CBR4: variants seen among roughly 807,000 people sequenced by gnomAD.
CBR4 encodes the protein 3-oxoacyl-[acyl-carrier-protein] reductase.
CBR4 carries 22 observed loss-of-function variants against 21.0 expected under a neutral mutation model. The observed-to-expected ratio is 1.05, with a 90% CI of 0.75 to 1.50. The LOEUF is 1.50. Ranked by LOEUF, CBR4 falls within the 40% of genes most tolerant of loss-of-function variation. The pLI, the probability that CBR4 is intolerant of heterozygous loss-of-function variation, is 0.00. For synonymous variants in CBR4, 100 were observed against 104.4 expected, an observed-to-expected ratio of 0.96 and a Z score of 0.26; for missense variants, 302 against 286.3, an observed-to-expected ratio of 1.05 and a Z score of -0.40.
Position 168,990,314 on chromosome 4 carries a change from C to G in CBR4, c.550G>C (p.Asp184His), listed in dbSNP as rs115991000. The change falls in exon 5 of 5, where the codon GAT becomes CAT. Residue 184 changes from aspartate (D) to histidine (H), a missense_variant. Transcript: ENST00000306193. ...NVVAPGFVHT[D>H]MTKDLKEEHL... ...TCTTCTTTCAAGTCTTTCGTCATAT[C>G]TGTGTGTACAAATCCTAAAAGAGAA... 3.5e-4 allele frequency: 559 copies of G among 1,607,616 alleles called. 1 individual carries two copies. The highest frequency in any genetic ancestry group is 4.5e-4 in the Non-Finnish European group (527 of 1,176,448).
intron 2 of CBR4, among the ~76,000 whole-genome samples, chr4:168,945,725 T>A (rs1241544183): frequency 6.6e-6 from 1 of 152,202 alleles, no homozygotes; most frequent in Non-Finnish European, 1.5e-5. Flanking sequence ...GAAACAACCA[T>A]TTAAATGGCA....
Position 169,002,211 on chromosome 4 carries a change from A to C in CBR4, c.401-6T>G, listed in dbSNP as rs769133679. On this transcript the variant is annotated splice_polypyrimidine_tract_variant and splice_region_variant and intron_variant, in intron 3 of 4. Transcript: ENST00000306193. ...TTTTAAGCCAACAATGCTTCCTAGG[A>C]CAAAAAAAAAAAAAAAAAAAAAAAA... is the stretch of plus-strand genomic sequence containing the variant. 9 of 457,700 alleles carry C rather than the reference A, an allele frequency of 2.0e-5. No individual in the cohort carries two copies. Among genetic ancestry groups the C allele is most frequent in the Admixed American group, 1.6e-4 (1 of 6,410 alleles). The allele number at this position is 457,700 out of a possible 1,614,324, so 28.4% of individuals were successfully genotyped here.
chr4:168,985,875 A>G (rs1270981462), downstream of CBR4, among the ~76,000 whole-genome samples: 3 of 152,146 alleles, frequency 2.0e-5, no homozygotes, highest in Non-Finnish European at 4.4e-5. Flanking sequence ...ATGGACACAA[A>G]AAAGGGAACA....
At position 168,964,204 on chromosome 4, in the gene CBR4, T is replaced by C. The variant is rs558114451; in HGVS notation, n.169+37867A>G. Among the ~76,000 whole-genome samples, 4 of 152,314 alleles carry C rather than the reference T, an allele frequency of 2.6e-5. No individual in the cohort carries two copies. The South Asian group carries it at 6.2e-4, about 24-fold the overall frequency. ...TTCAACTACACTCCCCTTGCTTGTG[T>C]TGCATGATTAGACAACTGTCTGGTT... is the stretch of plus-strand genomic sequence containing the variant. On this transcript the variant is annotated intron_variant and non_coding_transcript_variant, in intron 2 of 3. Coordinates refer to the CBR4 transcript ENST00000509108.
rs940487768 is a variant in CBR4, at chr4:168,988,917, T to C, written c.*1233A>G. The C allele has an allele frequency of 4.9e-5, 48 of 983,036 alleles. No homozygotes were observed. Among genetic ancestry groups the C allele is most frequent in the Non-Finnish European group, 5.7e-5 (47 of 827,834 alleles). The allele number at this position is 983,036 out of a possible 1,614,324, so 60.9% of individuals were successfully genotyped here. A position where few individuals can be genotyped will look rare whatever the true frequency, so the allele number is the denominator to read the frequency against. The stretch of plus-strand genomic sequence containing the variant: ...TAAATCTCTGCTTACACAAAATAAC[T>C]GTCAGCTCCAAATCAACATGAATGG... On this transcript the variant is annotated 3_prime_UTR_variant, in exon 5 of 5. Transcript: ENST00000306193.
rs374187214 is a variant in CBR4 at position 168,911,144 on chromosome 4, T to G, written n.170-16379A>C. Among the ~76,000 whole-genome samples the G allele has an allele frequency of 9.2e-5, 14 of 152,340 alleles. No individual in the cohort carries two copies. In the East Asian group the frequency reaches 2.3e-3, roughly 25 times the overall value. Reference sequence around the variant, plus strand: ...TTGTGAGAGATATATGTAGCATCCCTATTTGTACAGAAAAAGAAACAAAGG... The same window carrying G: ...TTGTGAGAGATATATGTAGCATCCCGATTTGTACAGAAAAAGAAACAAAGG... On this transcript the variant is annotated intron_variant and non_coding_transcript_variant, in intron 2 of 3. Transcript: ENST00000509108.
intron 2 of CBR4, among the ~76,000 whole-genome samples, chr4:168,922,085 TTATA>T (rs149658107): frequency 0.037 from 4,923 of 134,168 alleles, 275 homozygotes; most frequent in African/African-American, 0.12. Flanking sequence ...AGTTTTATAT[TTATA>T]TATATATATA....
Position 169,004,273 on chromosome 4 carries a change from AT to A in CBR4, c.401-2069del, listed in dbSNP as rs920778514. Among the ~76,000 whole-genome samples, 679 of 152,070 alleles carry A rather than the reference AT, an allele frequency of 4.5e-3. 4 individuals carry two copies. The highest frequency in any genetic ancestry group is 0.015 in the African/African-American group (642 of 41,506). ...ATTTTTTTAGCAACAAAGTATTTACATTTTTTTTAGATATAATGCTACTGCA... is the reference window on the plus strand; with the variant it reads ...ATTTTTTTAGCAACAAAGTATTTACATTTTTTTAGATATAATGCTACTGCA... On this transcript the variant is annotated intron_variant, in intron 3 of 4. Coordinates refer to ENST00000306193, the MANE Select transcript of CBR4 (RefSeq NM_032783.5).
chr4:169,007,388 G>A (rs1345037563), intron 2 of CBR4, among the ~76,000 whole-genome samples: 1 of 152,116 alleles, frequency 6.6e-6, no homozygotes, highest in African/African-American at 2.4e-5. Flanking sequence ...CTACCTTCTG[G>A]AGCACTGGAA....
intron 2 of CBR4, among the ~76,000 whole-genome samples, chr4:168,965,398 T>C (rs1054587873): frequency 2.0e-5 from 3 of 152,162 alleles, no homozygotes; most frequent in African/African-American, 7.2e-5. Context: ...TAGAAAAAAC[T>C]ACTTTAAACT....
intron 2 of CBR4, among the ~76,000 whole-genome samples, chr4:168,905,138 GTTTTTT>G (rs777740588): frequency 8.7e-5 from 3 of 34,524 alleles, no homozygotes; most frequent in Non-Finnish European, 2.1e-4. Flanking sequence ...TGTTTTGTTG[GTTTTTT>G]TTTTTTTTTT....
At chr4:168,924,988 G>A in intron 2 of CBR4, 1 of 1,614,058 alleles carries the variant, frequency 6.2e-7, no homozygotes, top group Non-Finnish European at 8.5e-7. Context: ...GCTCATTCAG[G>A]GAGCCACAAA....
At chr4:169,004,668 T>C (rs1225624247) in intron 3 of CBR4, among the ~76,000 whole-genome samples, 1 of 152,234 alleles carries the variant, frequency 6.6e-6, no homozygotes, top group Admixed American at 6.5e-5. Flanking sequence ...ACTTACATTC[T>C]TGACATATTC....
rs1408288074 is a variant in CBR4 at position 168,928,118 on chromosome 4, A to C, written n.170-33353T>G. ...GCACCGGGTGGCAGATGTTCTATGC[A>C]GTGTGGTTCAAGTTTCTTTGACCGC... On this transcript the variant is annotated intron_variant and non_coding_transcript_variant, in intron 2 of 3. Transcript: ENST00000509108. The C allele has an allele frequency of 4.1e-5, 8 of 193,648 alleles. No homozygotes were observed. The East Asian group carries it at 6.5e-4, about 16-fold the overall frequency. The allele number at this position is 193,648 out of a possible 1,614,324, so 12.0% of individuals were successfully genotyped here.
intron 2 of CBR4, among the ~76,000 whole-genome samples, chr4:168,902,413 C>T (rs1039800880): frequency 2.0e-5 from 3 of 152,170 alleles, no homozygotes; most frequent in Admixed American, 6.5e-5. Flanking sequence ...CATGTTAGGG[C>T]TGTTGGCACT....
intron 2 of CBR4, among the ~76,000 whole-genome samples, chr4:168,932,824 T>A (rs1336178081): frequency 1.3e-5 from 2 of 152,190 alleles, no homozygotes. Context: ...GCTTTAATAT[T>A]CTTTATTAAA....
Position 168,989,417 on chromosome 4 carries a change from T to C in CBR4, c.*733A>G. 1 of 985,392 alleles carries C rather than the reference T, an allele frequency of 1.0e-6. No individual in the cohort carries two copies. Among genetic ancestry groups the C allele is most frequent in the Admixed American group, 6.1e-5 (1 of 16,280 alleles). 61.0% of individuals were successfully genotyped at this position (985,392 alleles called of 1,614,324 possible). ...CGCCACATTTAAATTTGCAGATTAT[T>C]TTGTCTAGCTGCTCAATCAAGAGAA... On this transcript the variant is annotated 3_prime_UTR_variant, in exon 5 of 5. Coordinates refer to ENST00000306193, the MANE Select transcript of CBR4 (RefSeq NM_032783.5).
intron 4 of CBR4, among the ~76,000 whole-genome samples, chr4:168,990,671 C>T (rs1764874874): frequency 6.6e-6 from 1 of 151,952 alleles, no homozygotes; most frequent in Non-Finnish European, 1.5e-5. Flanking sequence ...ATCGGCCCAC[C>T]TCAGCCTCCC....
downstream of CBR4, among the ~76,000 whole-genome samples, chr4:168,984,139 A>C (rs567115367): frequency 6.6e-6 from 1 of 152,214 alleles, no homozygotes; most frequent in Non-Finnish European, 1.5e-5. Flanking sequence ...CAGATGATGT[A>C]ATGCTATACT....
Sources: allele counts gnomAD v4.1 joint callset (sites outside exome capture counted in the v4.1 genomes callset), GRCh38; gene constraint gnomAD v4.1.1; transcripts MANE v1.5; gene names NCBI Gene and HGNC (gene_info 2026-07-23, HGNC 2026-07-21).